BCAS3: variants seen among roughly 807,000 people sequenced by gnomAD.
BCAS3 encodes BCAS4/BCAS3 fusion.
In BCAS3, 53 loss-of-function variants were observed where a neutral mutation model predicts 116.1. The observed-to-expected ratio is 0.46, with a 90% CI of 0.37 to 0.57. BCAS3 has a LOEUF of 0.57. BCAS3 is among the 20% of genes least tolerant of loss of function. The pLI, the probability that BCAS3 is intolerant of heterozygous loss-of-function variation, is 0.00. For missense variants in BCAS3, 917 were observed against 1,165.4 expected (o/e 0.79, Z 3.10); for synonymous variants, 391 against 408.2 (o/e 0.96, Z 0.51).
At position 60,855,044 on chromosome 17, in the gene BCAS3, G is replaced by C. The variant is rs549663588; in HGVS notation, c.477-13532G>C. Among the ~76,000 whole-genome samples the C allele has an allele frequency of 4.3e-5, 6 of 138,590 alleles. No individual in the cohort carries two copies. In the South Asian group the frequency reaches 1.4e-3, roughly 33 times the overall value. The allele number at this position is 138,590 out of a possible 152,430, so 90.9% of individuals were successfully genotyped here. On this transcript the variant is annotated intron_variant, in intron 7 of 23. Coordinates refer to ENST00000407086, the MANE Select transcript of BCAS3 (RefSeq NM_017679.5). Reference sequence around the variant, plus strand: ...AGCTCACTGCAACCTCTGCCTCCCAGGTTCAAGCGATTCTCCTGCCTCAGC... The same window carrying C: ...AGCTCACTGCAACCTCTGCCTCCCACGTTCAAGCGATTCTCCTGCCTCAGC...
Position 60,845,354 on chromosome 17 carries a change from A to G in BCAS3, c.477-23222A>G, listed in dbSNP as rs2052416108. 1.3e-5 allele frequency among the ~76,000 whole-genome samples: 2 copies of G among 152,242 alleles called. 1 individual carries two copies. The highest frequency in any genetic ancestry group is 4.1e-4 in the South Asian group (2 of 4,836). ...TGGTGTGTCATTGAAAGCTTTAGAA[A>G]CAGGAATCAAATGATTAGAGAGAAT... On this transcript the variant is annotated intron_variant, in intron 7 of 23. Coordinates refer to ENST00000407086, the MANE Select transcript of BCAS3 (RefSeq NM_017679.5).
At chr17:61,306,475 T>C (rs538375408) in intron 22 of BCAS3, among the ~76,000 whole-genome samples, 11 of 152,302 alleles carry the variant, frequency 7.2e-5, no homozygotes, top group Non-Finnish European at 1.6e-4. Context: ...AATTTTTAAA[T>C]ATAATTCAAG....
At chr17:60,935,163 A>G (rs1337330163) in intron 13 of BCAS3, among the ~76,000 whole-genome samples, 1 of 152,216 alleles carries the variant, frequency 6.6e-6, no homozygotes, top group African/African-American at 2.4e-5. Flanking sequence ...ACTTATTAAC[A>G]TAGACGAAAT....
Position 60,709,226 on chromosome 17 carries a change from A to G in BCAS3, c.222A>G (p.Ser74=), listed in dbSNP as rs748909128. The change falls in exon 5 of 24, where the codon TCA becomes TCG. Residue 74 remains serine, a synonymous_variant. Transcript: ENST00000407086. The stretch of plus-strand genomic sequence containing the variant: ...TACTTAATTCTAATGCAGATACATC[A>G]AGAAATCTGGAATTTCATGAAATAC... ...RFENADLNDT[S]RNLEFHEIHS... 64 of 1,523,678 alleles carry G rather than the reference A, an allele frequency of 4.2e-5. No homozygotes were observed. Among genetic ancestry groups the G allele is most frequent in the Non-Finnish European group, 5.7e-5 (63 of 1,103,988 alleles). 94.4% of individuals were successfully genotyped at this position (1,523,678 alleles called of 1,614,324 possible). A position where few individuals can be genotyped will look rare whatever the true frequency, so the allele number is the denominator to read the frequency against.
intron 5 of BCAS3, among the ~76,000 whole-genome samples, chr17:60,717,454 G>A (rs2144066400): frequency 6.6e-6 from 1 of 152,124 alleles, no homozygotes; most frequent in African/African-American, 2.4e-5. Flanking sequence ...GACCTCAAGT[G>A]ATCTGCCTTC....
At chr17:60,919,630 A>G (rs1385147464) in intron 12 of BCAS3, among the ~76,000 whole-genome samples, 1 of 151,198 alleles carries the variant, frequency 6.6e-6, no homozygotes, top group Non-Finnish European at 1.5e-5. Flanking sequence ...GCCCACTTCT[A>G]ATTTTTAAAA....
intron 7 of BCAS3, among the ~76,000 whole-genome samples, chr17:60,813,349 T>C (rs1490981163): frequency 2.6e-5 from 4 of 152,168 alleles, no homozygotes; most frequent in Non-Finnish European, 5.9e-5. Context: ...AATTTGTTTA[T>C]CCCTGCCAGA....
chr17:61,038,642 C>CTTTT (rs113760934), intron 18 of BCAS3, among the ~76,000 whole-genome samples: 1 of 141,038 alleles, frequency 7.1e-6, no homozygotes, highest in South Asian at 2.2e-4. Context: ...TACTTCATTC[C>CTTTT]TTTTTTTTGT....
At chr17:60,838,470 C>G (rs2051573283) in intron 7 of BCAS3, among the ~76,000 whole-genome samples, 1 of 151,372 alleles carries the variant, frequency 6.6e-6, no homozygotes, top group South Asian at 2.1e-4. Context: ...TATTTCCCCA[C>G]AACAACTAGA....
intron 22 of BCAS3, among the ~76,000 whole-genome samples, chr17:61,290,908 G>A: frequency 6.6e-6 from 1 of 152,118 alleles, no homozygotes; most frequent in East Asian, 1.9e-4. Context: ...AGCCTCCCAA[G>A]TAGCTGGGAC....
At chr17:60,854,120 A>G (rs552122526) in intron 7 of BCAS3, among the ~76,000 whole-genome samples, 2 of 151,436 alleles carry the variant, frequency 1.3e-5, no homozygotes, top group African/African-American at 4.9e-5. Flanking sequence ...CTCATTGTTC[A>G]ATTCCCACCT....
rs1020227439 is a variant in BCAS3 at position 61,256,284 on chromosome 17, C to T, written c.2426-112043C>T. Among the ~76,000 whole-genome samples the T allele has an allele frequency of 8.8e-4, 111 of 126,824 alleles. 1 individual carries two copies. The highest frequency in any genetic ancestry group is 2.7e-3 in the East Asian group (13 of 4,770). The allele number at this position is 126,824 out of a possible 152,430, so 83.2% of individuals were successfully genotyped here. ...TTTGTTTGTTTGTTTGTTTGTTTTT[C>T]ATTTATTTTTATTTATTTTATTTTA... is the stretch of plus-strand genomic sequence containing the variant. On this transcript the variant is annotated intron_variant, in intron 22 of 23. Coordinates refer to ENST00000407086, the MANE Select transcript of BCAS3 (RefSeq NM_017679.5). This position sits in a 1 kb window ranked among gnomAD's most constrained non-coding sequence, Gnocchi z 5.6.
At chr17:60,810,349 G>T in intron 7 of BCAS3, 1 of 447,954 alleles carries the variant, frequency 2.2e-6, no homozygotes, top group South Asian at 1.8e-5. Context: ...GGGGTCCAGG[G>T]GCCTGGTTGT....
At chr17:61,164,053 T>A (rs1434197130) in intron 22 of BCAS3, among the ~76,000 whole-genome samples, 1 of 143,834 alleles carries the variant, frequency 7.0e-6, no homozygotes, top group Non-Finnish European at 1.5e-5. Context: ...TTATTTGAAA[T>A]GACCAGATTT....
At chr17:61,202,859 A>G (rs1432398071) in intron 22 of BCAS3, among the ~76,000 whole-genome samples, 1 of 152,212 alleles carries the variant, frequency 6.6e-6, no homozygotes, top group Non-Finnish European at 1.5e-5. Flanking sequence ...TAAATATCTC[A>G]TAGATTAAGT....
At chr17:60,714,111 A>G (rs559919998) in intron 5 of BCAS3, among the ~76,000 whole-genome samples, 90 of 152,254 alleles carry the variant, frequency 5.9e-4, no homozygotes, top group Admixed American at 3.0e-3. Context: ...TGCTGGGATT[A>G]CAGGCGTGAG....
At chr17:61,049,736 T>TTTCTTTTCTTTTC (rs1568225757) in intron 19 of BCAS3, among the ~76,000 whole-genome samples, 6 of 146,480 alleles carry the variant, frequency 4.1e-5, no homozygotes, top group African/African-American at 1.5e-4. Context: ...TTTTCTTTTT[T>TTTCTTTTCTTTTC]TTTTTTTTTT....
chr17:60,701,930 T>G (rs2036467246), intron 4 of BCAS3, among the ~76,000 whole-genome samples: 1 of 151,942 alleles, frequency 6.6e-6, no homozygotes, highest in Non-Finnish European at 1.5e-5. Flanking sequence ...GCCAAGATTG[T>G]GCCAGTGCAC....
At chr17:61,086,992 A>G in intron 22 of BCAS3, 1 of 985,414 alleles carries the variant, frequency 1.0e-6, no homozygotes, top group Non-Finnish European at 1.2e-6. Context: ...GGAAAACAAC[A>G]TCTAGGCTAA....
Sources: gnomAD v4.1 joint callset for allele counts (sites outside exome capture counted in the v4.1 genomes callset) on GRCh38, gnomAD v4.1.1 for gene constraint, Gnocchi (gnomAD v3.1) non-coding constraint, MANE v1.5 for transcripts, NCBI Gene and HGNC (gene_info 2026-07-23, HGNC 2026-07-21) for gene names.